TEKT5: variants seen among roughly 807,000 people sequenced by gnomAD.
TEKT5 encodes the protein tektin-5.
Under a neutral mutation model 48.7 loss-of-function variants are expected in TEKT5, and 52 were observed. The observed-to-expected ratio is 1.07, with a 90% CI of 0.86 to 1.35. TEKT5 has a LOEUF of 1.35. Among genes scored for constraint, TEKT5 ranks in the 40% most tolerant of loss-of-function variants. The pLI, the probability that TEKT5 is intolerant of heterozygous loss-of-function variation, is 0.00. For synonymous variants in TEKT5, 318 were observed against 267.6 expected (o/e 1.19, Z -1.84); for missense variants, 831 against 641.6 (o/e 1.30, Z -3.19).
At chr16:10,687,419 A>G (rs1317084687) in intron 3 of TEKT5, among the ~76,000 whole-genome samples, 7 of 152,236 alleles carry the variant, frequency 4.6e-5, no homozygotes, top group Non-Finnish European at 8.8e-5. Flanking sequence ...GGCCTGTCCC[A>G]ATTCTCCCTT....
chr16:10,682,158 T>A (rs760321282), intron 3 of TEKT5, 22 bp from the exon 4 acceptor site: 1 of 1,612,322 alleles, frequency 6.2e-7, no homozygotes, highest in East Asian at 2.2e-5. Context: ...GAGGAGTCAT[T>A]CCTGGACTAT....
chr16:10,628,033 G>C (rs1341489100), intron 6 of TEKT5, among the ~76,000 whole-genome samples: 1 of 151,770 alleles, frequency 6.6e-6, no homozygotes, highest in Non-Finnish European at 1.5e-5. Context: ...TTTATTAGAG[G>C]CAGGGTTTCA....
At chr16:10,665,737 C>T (rs745427768) in intron 5 of TEKT5, among the ~76,000 whole-genome samples, 2 of 152,206 alleles carry the variant, frequency 1.3e-5, no homozygotes, top group Admixed American at 6.5e-5. Context: ...ACACCACCCA[C>T]GTACTATGAT....
chr16:10,673,850 C>G (rs1445859878), intron 5 of TEKT5, among the ~76,000 whole-genome samples: 1 of 151,846 alleles, frequency 6.6e-6, no homozygotes, highest in African/African-American at 2.4e-5. Flanking sequence ...TGGAGTTTCA[C>G]TATCTTGGCC....
intron 3 of TEKT5, among the ~76,000 whole-genome samples, chr16:10,682,884 A>G (rs1383518007): frequency 6.6e-6 from 1 of 152,202 alleles, no homozygotes; most frequent in Non-Finnish European, 1.5e-5. Flanking sequence ...ACTTTGGACA[A>G]AGCCTGATGC....
chr16:10,668,648 G>C (rs144328546), intron 5 of TEKT5, among the ~76,000 whole-genome samples: 10 of 152,262 alleles, frequency 6.6e-5, no homozygotes, highest in African/African-American at 1.9e-4. Context: ...CCTGGGAAGG[G>C]GTGGTTTTGC....
At chr16:10,675,822 A>T in intron 5 of TEKT5, 137 bp downstream of exon 5, 1 of 806,682 alleles carries the variant, frequency 1.2e-6, no homozygotes. Context: ...AGGAAGAAAA[A>T]GACCACAGAC....
intron 5 of TEKT5, among the ~76,000 whole-genome samples, chr16:10,671,375 G>A (rs758402589): frequency 2.6e-5 from 4 of 152,132 alleles, no homozygotes; most frequent in Admixed American, 6.5e-5. Context: ...GCCAAAAGAT[G>A]GACGCCACCA....
At chr16:10,641,915 G>A (rs2719633) in intron 5 of TEKT5, among the ~76,000 whole-genome samples, 3,142 of 152,350 alleles carry the variant, frequency 0.021, 111 homozygotes, top group African/African-American at 0.072. Context: ...CTTCTAGCAC[G>A]AGACTAGCTC....
rs941903235 is a variant in TEKT5, at chr16:10,675,960, T to C, written c.1085A>G (p.Lys362Arg). 3 of 1,613,962 alleles carry C rather than the reference T, an allele frequency of 1.9e-6. No individual in the cohort carries two copies. Among genetic ancestry groups the C allele is most frequent in the Middle Eastern group, 1.6e-4 (1 of 6,076 alleles). ...GGGGTCCTGGGAGGATCTGCTCACC[T>C]TCGCCAGCTGCGTCTGCAGCTTATT... ...VKNKLQTQLA[K>R]TLQEIFQAEN... Residue 362 changes from lysine (K) to arginine (R), a missense_variant and splice_region_variant, in exon 5 of 7, where the codon AAG (lysine) becomes AGG (arginine). Transcript: ENST00000283025.
chr16:10,648,228 C>T (rs1421585289), intron 5 of TEKT5, among the ~76,000 whole-genome samples: 2 of 152,204 alleles, frequency 1.3e-5, no homozygotes, highest in African/African-American at 4.8e-5. Flanking sequence ...CCAGGTCCTG[C>T]GCCAAGACTC....
At chr16:10,680,529 C>A (rs1377446653) in intron 4 of TEKT5, among the ~76,000 whole-genome samples, 1 of 151,830 alleles carries the variant, frequency 6.6e-6, no homozygotes. Flanking sequence ...CCGAGCATCT[C>A]TCAGACCTCA....
chr16:10,646,360 C>A (rs1032602955), intron 5 of TEKT5, among the ~76,000 whole-genome samples: 16 of 152,142 alleles, frequency 1.1e-4, no homozygotes, highest in Admixed American at 5.2e-4. Flanking sequence ...ATTATAGAAT[C>A]CTGCCCATCT....
At chr16:10,666,806 C>T (rs73511742) in intron 5 of TEKT5, among the ~76,000 whole-genome samples, 2,878 of 152,188 alleles carry the variant, frequency 0.019, 93 homozygotes, top group African/African-American at 0.066. Flanking sequence ...TCAGGACATA[C>T]GGCTGTTTCC....
chr16:10,680,794 G>A lies in TEKT5; in HGVS notation c.863+1199C>T, dbSNP rs28712093. 6.4e-3 allele frequency among the ~76,000 whole-genome samples: 904 copies of A among 140,564 alleles called. 11 individuals are homozygous for A. The highest frequency in any genetic ancestry group is 0.023 in the African/African-American group (873 of 38,144). The allele number at this position is 140,564 out of a possible 152,430, so 92.2% of individuals were successfully genotyped here. ...AAACACCGCATATTCTCACTCATAG[G>A]TGGGAACTGAACAATGAGAACACAT... On this transcript the variant is annotated intron_variant, in intron 4 of 6. Transcript: ENST00000283025.
chr16:10,676,582 C>T (rs1898651446), intron 4 of TEKT5, among the ~76,000 whole-genome samples: 1 of 152,166 alleles, frequency 6.6e-6, no homozygotes, highest in African/African-American at 2.4e-5. Context: ...TTTTCCCTAA[C>T]ACCCACACCA....
chr16:10,649,894 G>A (rs558343178), intron 5 of TEKT5, among the ~76,000 whole-genome samples: 15 of 152,216 alleles, frequency 9.9e-5, no homozygotes, highest in African/African-American at 3.4e-4. Context: ...GCTAGGAGGA[G>A]GACACTGAGG....
At chr16:10,659,191 T>G (rs1205439148) in intron 5 of TEKT5, among the ~76,000 whole-genome samples, 1 of 152,204 alleles carries the variant, frequency 6.6e-6, no homozygotes, top group African/African-American at 2.4e-5. Context: ...GCCACTGAAC[T>G]AGGTACTGGT....
intron 6 of TEKT5, among the ~76,000 whole-genome samples, chr16:10,632,501 G>C (rs1004725991): frequency 3.9e-5 from 6 of 151,974 alleles, no homozygotes; most frequent in Non-Finnish European, 8.8e-5. Flanking sequence ...TTGCTATGTT[G>C]TCCAGGCTCA....
Sources: allele counts gnomAD v4.1 joint callset (sites outside exome capture counted in the v4.1 genomes callset), GRCh38; gene constraint gnomAD v4.1.1; transcripts MANE v1.5; gene names NCBI Gene and HGNC (gene_info 2026-07-23, HGNC 2026-07-21).